The following CHRM3 variants were observed in gnomAD, a reference collection of about 807,000 sequenced individuals.
CHRM3 encodes the protein cholinergic receptor muscarinic 3, also known as muscarinic acetylcholine receptor M3.
Under a neutral mutation model 41.8 loss-of-function variants are expected in CHRM3, and 11 were observed. That is an observed-to-expected ratio of 0.26 (90% CI 0.17 to 0.44). The LOEUF (loss-of-function observed/expected upper bound fraction) is 0.44. Ranked by LOEUF, CHRM3 falls within the 20% of genes least tolerant of loss-of-function variation. The pLI is 1.00. For missense variants in CHRM3, 571 were observed against 745.4 expected, an observed-to-expected ratio of 0.77 and a Z score of 2.72; for synonymous variants, 297 against 301.4, an observed-to-expected ratio of 0.99 and a Z score of 0.15.
intron 4 of CHRM3, among the ~76,000 whole-genome samples, chr1:239,671,106 A>G (rs745410971): frequency 6.6e-6 from 1 of 152,112 alleles, no homozygotes; most frequent in Non-Finnish European, 1.5e-5. Flanking sequence ...ACGGTATGGG[A>G]TAGTATCTTA....
intron 5 of CHRM3, among the ~76,000 whole-genome samples, chr1:239,800,414 T>G (rs1217717351): frequency 6.6e-6 from 1 of 152,240 alleles, no homozygotes; most frequent in African/African-American, 2.4e-5. Context: ...TCCCATTAGC[T>G]GCTCAGTTAA....
intron 5 of CHRM3, among the ~76,000 whole-genome samples, chr1:239,717,214 T>G (rs1444645728): frequency 6.6e-6 from 1 of 152,120 alleles, no homozygotes; most frequent in Non-Finnish European, 1.5e-5. Context: ...GTATTAAAAC[T>G]GTGCCCTTGC....
intron 1 of CHRM3, among the ~76,000 whole-genome samples, chr1:239,492,397 C>T (rs973334401): frequency 6.6e-6 from 1 of 152,112 alleles, no homozygotes; most frequent in Non-Finnish European, 1.5e-5. Flanking sequence ...CTTCATTGCT[C>T]GCAGAGAGCC....
chr1:239,882,730 T>C (rs1677747815), intron 6 of CHRM3, among the ~76,000 whole-genome samples: 1 of 152,226 alleles, frequency 6.6e-6, no homozygotes, highest in Admixed American at 6.5e-5. Flanking sequence ...AATGGACATA[T>C]CTTTAGAATA....
chr1:239,742,452 G>T (rs544177843), intron 5 of CHRM3, among the ~76,000 whole-genome samples: 1 of 152,232 alleles, frequency 6.6e-6, no homozygotes, highest in African/African-American at 2.4e-5. Context: ...CTCTCTGCGG[G>T]TGTTTACATT....
chr1:239,907,409 C>G lies in CHRM3; in HGVS notation c.-19-24C>G, dbSNP rs1342514621. 6.4e-7 allele frequency: 1 copy of G among 1,557,326 alleles called. No homozygotes were observed. Among genetic ancestry groups the G allele is most frequent in the Middle Eastern group, 1.7e-4 (1 of 5,752 alleles). On this transcript the variant is annotated intron_variant, in intron 6 of 6. Coordinates refer to ENST00000676153, the MANE Select transcript of CHRM3 (RefSeq NM_001375978.1). The surrounding 1 kb of genome is among the most constrained non-coding windows in gnomAD (Gnocchi z 5.4). Reference sequence around the variant, plus strand: ...AATAAAGGCAGAAATTTTTCTAACTCTGTCTCTTCTCTCTTTCCCCCAGAC... The same window carrying G: ...AATAAAGGCAGAAATTTTTCTAACTGTGTCTCTTCTCTCTTTCCCCCAGAC...
chr1:239,501,696 A>C (rs1558270792), intron 2 of CHRM3, among the ~76,000 whole-genome samples: 1 of 152,090 alleles, frequency 6.6e-6, no homozygotes, highest in Non-Finnish European at 1.5e-5. Context: ...TCTACTAAAA[A>C]ATACAAAAAA....
At chr1:239,646,115 C>T (rs1312187449) in intron 4 of CHRM3, among the ~76,000 whole-genome samples, 1 of 152,100 alleles carries the variant, frequency 6.6e-6, no homozygotes, top group Non-Finnish European at 1.5e-5. Flanking sequence ...AATGCATGTG[C>T]AATACTCACA....
chr1:239,664,328 A>G (rs1182389934), intron 4 of CHRM3, among the ~76,000 whole-genome samples: 1 of 152,168 alleles, frequency 6.6e-6, no homozygotes, highest in Non-Finnish European at 1.5e-5. Flanking sequence ...CAATGATCCA[A>G]CAGTGTCAAA....
intron 1 of CHRM3, among the ~76,000 whole-genome samples, chr1:239,435,570 G>T (rs982221593): frequency 6.6e-6 from 1 of 151,888 alleles, no homozygotes; most frequent in Non-Finnish European, 1.5e-5. Context: ...GCCTGGGCTT[G>T]CAGTTTTGCC....
chr1:239,621,723 G>T (rs1244087669), intron 3 of CHRM3, among the ~76,000 whole-genome samples: 2 of 152,198 alleles, frequency 1.3e-5, no homozygotes, highest in African/African-American at 4.8e-5. Context: ...TGCAGAAGAA[G>T]AATGTGAAGC....
chr1:239,541,161 T>C (rs1014187842), intron 2 of CHRM3, among the ~76,000 whole-genome samples: 1 of 151,330 alleles, frequency 6.6e-6, no homozygotes, highest in Non-Finnish European at 1.5e-5. Context: ...CTCCAGGTAC[T>C]CAGGTGAGCA....
At chr1:239,882,484 C>T (rs186654444) in intron 6 of CHRM3, among the ~76,000 whole-genome samples, 176 of 152,130 alleles carry the variant, frequency 1.2e-3, no homozygotes, top group Non-Finnish European at 2.2e-3. Context: ...TTTTAATCCC[C>T]GCACAATCCT....
At chr1:239,708,564 G>T (rs1281746811) in intron 5 of CHRM3, among the ~76,000 whole-genome samples, 1 of 151,830 alleles carries the variant, frequency 6.6e-6, no homozygotes, top group Non-Finnish European at 1.5e-5. Context: ...TCTAAACCCC[G>T]CATCTCCTTT....
chr1:239,491,005 G>T (rs2148062461), intron 1 of CHRM3, among the ~76,000 whole-genome samples: 1 of 152,256 alleles, frequency 6.6e-6, no homozygotes, highest in Admixed American at 6.5e-5. Context: ...CTCCCAAGGT[G>T]CTGGGATTAC....
chr1:239,697,795 G>T (rs1660334379), intron 5 of CHRM3, among the ~76,000 whole-genome samples: 1 of 152,148 alleles, frequency 6.6e-6, no homozygotes, highest in Non-Finnish European at 1.5e-5. Flanking sequence ...CATAGTATTT[G>T]GCCACTTTGC....
intron 4 of CHRM3, among the ~76,000 whole-genome samples, chr1:239,641,952 G>A (rs1573082237): frequency 7.9e-6 from 1 of 127,032 alleles, no homozygotes. Context: ...CTCTTTTAGG[G>A]CAGGCCTGGT....
chr1:239,712,490 G>A (rs1661907955), intron 5 of CHRM3, among the ~76,000 whole-genome samples: 1 of 152,232 alleles, frequency 6.6e-6, no homozygotes, highest in Non-Finnish European at 1.5e-5. Context: ...GCTAGCAGAA[G>A]TATGTAGTTG....
intron 6 of CHRM3, among the ~76,000 whole-genome samples, chr1:239,857,175 AC>A (rs930780497): frequency 6.6e-6 from 1 of 152,174 alleles, no homozygotes; most frequent in African/African-American, 2.4e-5. Context: ...GTGAGTGGCA[AC>A]TTTTAGGTAT....
Sources: gnomAD v4.1 joint callset for allele counts (sites outside exome capture counted in the v4.1 genomes callset) on GRCh38, gnomAD v4.1.1 for gene constraint, Gnocchi (gnomAD v3.1) non-coding constraint, MANE v1.5 for transcripts, NCBI Gene and HGNC (gene_info 2026-07-23, HGNC 2026-07-21) for gene names.